DDX59: variants seen among roughly 807,000 people sequenced by gnomAD.
DDX59 encodes DEAD-box helicase 59.
A neutral mutation model predicts 51.9 loss-of-function variants in DDX59; 30 were observed. The observed-to-expected ratio is 0.58, with a 90% CI of 0.43 to 0.78. The LOEUF (loss-of-function observed/expected upper bound fraction) is 0.78. Ranked by LOEUF, DDX59 falls within the 30% of genes least tolerant of loss-of-function variation. DDX59 has a pLI of 0.00. For synonymous variants in DDX59, 255 were observed against 253.3 expected, an observed-to-expected ratio of 1.01 and a Z score of -0.06; for missense variants, 672 against 730.8, an observed-to-expected ratio of 0.92 and a Z score of 0.93.
chr1:200,650,754 TAAC>T (rs1661609370), intron 4 of DDX59, 78 bp from the exon 5 acceptor site: 1 of 1,284,442 alleles, frequency 7.8e-7, no homozygotes, highest in Non-Finnish European at 1.0e-6. Context: ...CTGATATAAT[TAAC>T]AATATAAAAA....
intron 4 of DDX59, among the ~76,000 whole-genome samples, chr1:200,658,177 G>A: frequency 6.6e-6 from 1 of 152,202 alleles, no homozygotes; most frequent in East Asian, 1.9e-4. Context: ...TGTCACTGCT[G>A]GTGAGACATG....
chr1:200,669,113 G>C (rs565074501), intron 1 of DDX59, among the ~76,000 whole-genome samples: 1 of 152,224 alleles, frequency 6.6e-6, no homozygotes, highest in East Asian at 1.9e-4. Context: ...TTCAGAGTTT[G>C]ATTCTTTTCA....
chr1:200,654,654 G>C (rs957343782), intron 4 of DDX59: 1 of 152,372 alleles, frequency 6.6e-6, no homozygotes, highest in Admixed American at 6.6e-5. Flanking sequence ...AAATCTGACA[G>C]GGGGAGTGAG....
At position 200,653,888 on chromosome 1, in the gene DDX59, CT is replaced by C. The variant is rs779207115; in HGVS notation, c.1063-3213del. 2.0e-5 allele frequency among the ~76,000 whole-genome samples: 3 copies of C among 152,304 alleles called. No homozygotes were observed. In the East Asian group the frequency reaches 5.8e-4, roughly 29 times the overall value. ...TGACTACCAATCCAAGGTAACCCCC[CT>C]CCCCTCGTTGCCACTGCCGTATCGC... On this transcript the variant is annotated intron_variant, in intron 4 of 7. Transcript: ENST00000331314.
At chr1:200,650,742 G>T in intron 4 of DDX59, 66 bp from the exon 5 acceptor site, 1 of 1,361,132 alleles carries the variant, frequency 7.3e-7, no homozygotes, top group Non-Finnish European at 9.8e-7. Flanking sequence ...CCCCAAAAAA[G>T]ACTGATATAA....
chr1:200,668,307 CAA>C (rs68140421), intron 1 of DDX59, among the ~76,000 whole-genome samples: 2,586 of 130,834 alleles, frequency 0.02, 75 homozygotes, highest in African/African-American at 0.065. Flanking sequence ...GACTCCGTCT[CAA>C]AAAAAAAAAA....
chr1:200,648,625 A>G (rs1473807159), intron 6 of DDX59, 58 bp from the exon 7 acceptor site: 22 of 1,541,674 alleles, frequency 1.4e-5, no homozygotes, highest in Non-Finnish European at 1.8e-5. Flanking sequence ...GGTTTTGTGT[A>G]ATTCTGATAG....
downstream of DDX59, among the ~76,000 whole-genome samples, chr1:200,642,655 A>C (rs1661082249): frequency 5.3e-5 from 8 of 152,246 alleles, no homozygotes; most frequent in Admixed American, 5.2e-4. Context: ...AGGAAGAACC[A>C]GTAACAGGAG....
Position 200,664,065 on chromosome 1 carries a change from T to G in DDX59, c.826A>C (p.Ile276Leu). 1 of 1,611,308 alleles carries G rather than the reference T, an allele frequency of 6.2e-7. No individual in the cohort carries two copies. The highest frequency in any genetic ancestry group is 1.1e-5 in the South Asian group (1 of 90,322). ...LFESKTPSAL[I>L]LTPTRELAIQ... ...GCTAACTCTCTGGTTGGTGTAAGAA[T>G]GAGCGCAGATGGAGTTTTGCTCTGC... is the stretch of plus-strand genomic sequence containing the variant. The change falls in exon 3 of 8, where the codon ATT becomes CTT. Residue 276 changes from isoleucine (I) to leucine (L), a missense_variant. Ile to Leu is a conservative substitution (Grantham distance 5). Coordinates refer to ENST00000331314, the MANE Select transcript of DDX59 (RefSeq NM_001031725.6).
chr1:200,660,346 C>G (rs1662296813), intron 3 of DDX59, among the ~76,000 whole-genome samples: 1 of 152,108 alleles, frequency 6.6e-6, no homozygotes, highest in African/African-American at 2.4e-5. Flanking sequence ...CTTTGCTGAA[C>G]AGAGGTTTTG....
At chr1:200,663,813 G>A (rs2102917035) in intron 3 of DDX59, 106 bp downstream of exon 3, 11 of 1,140,062 alleles carry the variant, frequency 9.6e-6, no homozygotes, top group South Asian at 8.4e-5. Context: ...GAATTTAAAG[G>A]CTCTCTAAAA....
chr1:200,667,332 C>A (rs562149168), intron 1 of DDX59, among the ~76,000 whole-genome samples: 10 of 152,148 alleles, frequency 6.6e-5, no homozygotes, highest in Non-Finnish European at 1.5e-4. Flanking sequence ...ACCCAGGAGG[C>A]GGAGGTTGCG....
At chr1:200,660,694 C>T (rs188201635) in intron 3 of DDX59, among the ~76,000 whole-genome samples, 2 of 152,272 alleles carry the variant, frequency 1.3e-5, no homozygotes, top group East Asian at 3.9e-4. Context: ...AACTCATAGT[C>T]TCATGGTTTC....
downstream of DDX59, among the ~76,000 whole-genome samples, chr1:200,643,671 A>C (rs1256203220): frequency 6.6e-6 from 1 of 152,054 alleles, no homozygotes; most frequent in Non-Finnish European, 1.5e-5. Context: ...AAAACAAACA[A>C]AAAACCTATT....
chr1:200,648,359 T>C (rs940176398), intron 7 of DDX59, 80 bp downstream of exon 7: 19 of 1,581,990 alleles, frequency 1.2e-5, no homozygotes, highest in Admixed American at 1.7e-5. Flanking sequence ...ACTGCTTTCT[T>C]AAACTTGGTT....
chr1:200,648,010 T>A (rs1012765068), intron 7 of DDX59, among the ~76,000 whole-genome samples: 5 of 127,982 alleles, frequency 3.9e-5, no homozygotes, highest in Admixed American at 8.7e-5. Flanking sequence ...ATACATACAG[T>A]TTTATACACT....
chr1:200,656,576 C>G (rs1305415623), intron 4 of DDX59, among the ~76,000 whole-genome samples: 2 of 152,178 alleles, frequency 1.3e-5, no homozygotes, highest in Non-Finnish European at 2.9e-5. Context: ...CAGCTCATTT[C>G]CCCTCTAGAT....
At chr1:200,668,679 C>T (rs73077034) in intron 1 of DDX59, among the ~76,000 whole-genome samples, 18,060 of 152,204 alleles carry the variant, frequency 0.12, 1,566 homozygotes, top group East Asian at 0.42. Flanking sequence ...CCCATCTCCC[C>T]TTGTTTTCCC....
intron 4 of DDX59, among the ~76,000 whole-genome samples, chr1:200,651,953 A>G (rs1195229051): frequency 6.9e-6 from 1 of 145,122 alleles, no homozygotes; most frequent in Non-Finnish European, 1.5e-5. Flanking sequence ...GCTTGCAGTG[A>G]GCCGAGATCG....
Sources: allele counts gnomAD v4.1 joint callset (sites outside exome capture counted in the v4.1 genomes callset), GRCh38; gene constraint gnomAD v4.1.1; transcripts MANE v1.5; gene names NCBI Gene and HGNC (gene_info 2026-07-23, HGNC 2026-07-21).